SRCAP: variants seen among roughly 807,000 people sequenced by gnomAD.
SRCAP encodes the protein chromatin remodeling protein SRCAP.
In SRCAP, 46 loss-of-function variants were observed where a neutral mutation model predicts 263.1. The observed-to-expected ratio is 0.17, with a 90% CI of 0.14 to 0.22. SRCAP has a LOEUF of 0.22. Among genes scored for constraint, SRCAP ranks in the 10% least tolerant of loss-of-function variants. The probability of loss-of-function intolerance (pLI) is 1.00; values close to 1 mark genes in which losing one functional copy is unlikely to be tolerated. For missense variants in SRCAP, 3,695 were observed against 4,181.9 expected (o/e 0.88, Z 3.21); for synonymous variants, 1,813 against 1,662.1 (o/e 1.09, Z -2.21).
intron 16 of SRCAP, among the ~76,000 whole-genome samples, chr16:30,715,646 G>A (rs1348039): frequency 0.98 from 149,332 of 152,288 alleles, 73,273 homozygotes; most frequent in Middle Eastern, 1. Context: ...TACTTCTTCC[G>A]TGTCACTGTA....
intron 16 of SRCAP, among the ~76,000 whole-genome samples, chr16:30,714,655 G>C (rs6565198): frequency 0.96 from 145,394 of 152,070 alleles, 69,808 homozygotes; most frequent in Middle Eastern, 1. Context: ...TCTGCACTAC[G>C]ATGCCTAGCT....
rs1340263974 is a variant in SRCAP at position 30,720,780 on chromosome 16, C to G, written c.3055C>G (p.Leu1019Val). 2 of 1,614,126 alleles carry G rather than the reference C, an allele frequency of 1.2e-6. No homozygotes were observed. Among genetic ancestry groups the G allele is most frequent in the Non-Finnish European group, 1.7e-6 (2 of 1,180,032 alleles). ...GGTGGTGAACAACCCACGGGCGCCC[C>G]TGGGCCCTGTCCCAGTTCGACCTCC... ...VVVVNNPRAP[L>V]GPVPVRPPPG... The change falls in exon 20 of 34, where the codon CTG becomes GTG. Residue 1019 changes from leucine to valine, a missense_variant. By Grantham distance (32) the Leu-to-Val change is conservative (BLOSUM62 1). Around this residue, in one of 12 missense-constraint regions of SRCAP, gnomAD observed 1,347 missense variants for 1,304.4 expected, o/e 1.03. Coordinates refer to ENST00000262518, the MANE Select transcript of SRCAP (RefSeq NM_006662.3).
chr16:30,736,759 G>A (rs1166167717), intron 33 of SRCAP, 135 bp downstream of exon 33: 6 of 959,118 alleles, frequency 6.3e-6, no homozygotes, highest in South Asian at 3.2e-5. Flanking sequence ...TGCAGTCTCC[G>A]CCTCCCGGGT....
In SRCAP at chr16:30,704,323, T is replaced by C. The variant is rs2052802535; in HGVS notation, c.306+8T>C. 1.9e-6 allele frequency: 3 copies of C among 1,581,158 alleles called. No individual in the cohort carries two copies. Among genetic ancestry groups the C allele is most frequent in the African/African-American group, 1.3e-5 (1 of 74,158 alleles). Reference sequence around the variant, plus strand: ...GCAGAACAGGCCAAGCATGTACGTATTAGAAAGGCTTATGAAGATTCTTGG... The same window carrying C: ...GCAGAACAGGCCAAGCATGTACGTACTAGAAAGGCTTATGAAGATTCTTGG... On this transcript the variant is annotated splice_region_variant and intron_variant, in intron 4 of 33. Coordinates refer to ENST00000262518, the MANE Select transcript of SRCAP (RefSeq NM_006662.3).
In SRCAP at chr16:30,712,154, C is replaced by T. The variant is rs768828882; in HGVS notation, c.1812C>T (p.Thr604=). The change falls in exon 12 of 34, where the codon ACC becomes ACT. Residue 604 remains threonine, a synonymous_variant. Coordinates refer to ENST00000262518, the MANE Select transcript of SRCAP (RefSeq NM_006662.3). ...CCAAGGGTTACACGCTGGCCACGAC[C>T]CAGGTATCCCCAGGTTCTGGCCTCT... ...LQPKGYTLAT[T]QVKTPIPLLL... 6 of 1,611,868 alleles carry T rather than the reference C, an allele frequency of 3.7e-6. No individual in the cohort carries two copies. In the Admixed American group the frequency reaches 8.3e-5, roughly 22 times the overall value.
intron 10 of SRCAP, 51 bp from the exon 11 acceptor site, chr16:30,711,520 C>T (rs754250636): frequency 2.7e-5 from 42 of 1,530,358 alleles, no homozygotes; most frequent in Non-Finnish European, 3.3e-5. Flanking sequence ...ACTCAGACCT[C>T]CCCTTCTCCC....
rs555441029 is a variant in SRCAP at position 30,711,663 on chromosome 16, G to T, written c.1411G>T (p.Asp471Tyr). 1 of 1,614,166 alleles carries T rather than the reference G, an allele frequency of 6.2e-7. No individual in the cohort carries two copies. The highest frequency in any genetic ancestry group is 1.1e-5 in the South Asian group (1 of 91,084). ...TGAAGATGAGGATGAAGATGAGGTT[G>T]ATGCTAATAGCTCTGACTGTGAACC... ...SSEDEDEDEV[D>Y]ANSSDCEPEG... is the part of the protein sequence containing the mutation. Residue 471 changes from aspartate (D) to tyrosine (Y), a missense_variant, in exon 11 of 34, where the codon GAT becomes TAT. Around this residue, in one of 12 missense-constraint regions of SRCAP, gnomAD observed 288 missense variants for 302.4 expected, o/e 0.95. Transcript: ENST00000262518.
At chr16:30,735,825 C>T (rs903443875) in intron 31 of SRCAP, among the ~76,000 whole-genome samples, 15 of 151,844 alleles carry the variant, frequency 9.9e-5, no homozygotes, top group Non-Finnish European at 1.9e-4. Context: ...ATGATCTGCC[C>T]GCCTTGGCCT....
chr16:30,703,507 A>ATT (rs1337510073), intron 3 of SRCAP, among the ~76,000 whole-genome samples: 5 of 151,192 alleles, frequency 3.3e-5, no homozygotes, highest in African/African-American at 9.7e-5. Flanking sequence ...ATATATATAT[A>ATT]TTTTTAAGTT....
Position 30,704,292 on chromosome 16 carries a change from G to A in SRCAP, c.283G>A (p.Glu95Lys), listed in dbSNP as rs779862738. 6 of 1,611,818 alleles carry A rather than the reference G, an allele frequency of 3.7e-6. No homozygotes were observed. The highest frequency in any genetic ancestry group is 2.2e-5 in the East Asian group (1 of 44,844). The change falls in exon 4 of 34, where the codon GAA becomes AAA. Residue 95 changes from glutamate to lysine, a missense_variant. Coordinates refer to ENST00000262518, the MANE Select transcript of SRCAP (RefSeq NM_006662.3). ...KGPKWEKSHA[E>K]IAEQAKHEAE... ...CCCGAAGTGGGAGAAGAGCCATGCC[G>A]AAATTGCAGAACAGGCCAAGCATGT...
chr16:30,724,028 C>G lies in SRCAP; in HGVS notation c.4604C>G (p.Pro1535Arg), dbSNP rs564354120. 6.2e-7 allele frequency: 1 copy of G among 1,613,988 alleles called. No homozygotes were observed. The highest frequency in any genetic ancestry group is 1.1e-5 in the South Asian group (1 of 91,076). The stretch of plus-strand genomic sequence containing the variant: ...TTGGCTCCCACCTCTTCACATGTTC[C>G]AGGGTTGAACTCAACCGTGGCCCCA... Reference protein sequence around the residue: ...LLLAPTSSHVPGLNSTVAPAC... With the variant: ...LLLAPTSSHVRGLNSTVAPAC... The change falls in exon 25 of 34, where the codon CCA (proline) becomes CGA (arginine). Residue 1535 changes from proline to arginine, a missense_variant. Physicochemically the swap from Pro to Arg is moderately radical, Grantham distance 103. Coordinates refer to ENST00000262518, the MANE Select transcript of SRCAP (RefSeq NM_006662.3).
At chr16:30,735,567 CTTTTTTTT>C (rs10663863) in intron 31 of SRCAP, among the ~76,000 whole-genome samples, 1 of 69,588 alleles carries the variant, frequency 1.4e-5, no homozygotes, top group Admixed American at 2.3e-4. Context: ...TTTGACATTA[CTTTTTTTT>C]TTTTTTTTTT....
In SRCAP at chr16:30,724,753, G is replaced by C. The variant is rs560404831; in HGVS notation, c.5329G>C (p.Ala1777Pro). ...GACTTTGGCTCCAGCATCGTCATCT[G>C]CTTCACTCCTGGCCCCAGCTTCAGT... The part of the protein sequence containing the change: ...TLTLAPASSS[A>P]SLLAPASVQT... Residue 1777 changes from alanine (A) to proline (P), a missense_variant, in exon 25 of 34, where the codon GCT becomes CCT. Around this residue, in one of 12 missense-constraint regions of SRCAP, gnomAD observed 1,347 missense variants for 1,304.4 expected, o/e 1.03. Coordinates refer to ENST00000262518, the MANE Select transcript of SRCAP (RefSeq NM_006662.3). 1.5e-5 allele frequency: 24 copies of C among 1,613,910 alleles called. No individual in the cohort carries two copies. The highest frequency in any genetic ancestry group is 1.9e-5 in the Non-Finnish European group (22 of 1,179,938).
chr16:30,740,786 C>T lies in SRCAP; in HGVS notation c.*1053C>T, dbSNP rs996864129. ...TGTCCTCCTGTTGACTCTGTGCTTA[C>T]CTCATCTGAGTTATTTCTTTGTATC... On this transcript the variant is annotated 3_prime_UTR_variant, in exon 34 of 34. Coordinates refer to ENST00000262518, the MANE Select transcript of SRCAP (RefSeq NM_006662.3). 6.6e-6 allele frequency: 1 copy of T among 152,386 alleles called. No homozygotes were observed. The highest frequency in any genetic ancestry group is 1.5e-5 in the Non-Finnish European group (1 of 68,168). The allele number at this position is 152,386 out of a possible 1,614,324, so 9.4% of individuals were successfully genotyped here.
Position 30,700,792 on chromosome 16 carries a change from C to G in SRCAP, c.-33C>G, listed in dbSNP as rs757931634. ...TGGTGATAACAACCCAGTCATTCTT[C>G]AGGCATCCAAGGGGGAGCCTGGGAG... On this transcript the variant is annotated 5_prime_UTR_variant, in exon 3 of 34. Transcript: ENST00000262518. 1 of 1,608,476 alleles carries G rather than the reference C, an allele frequency of 6.2e-7. No homozygotes were observed. The highest frequency in any genetic ancestry group is 8.5e-7 in the Non-Finnish European group (1 of 1,175,480).
chr16:30,708,125 CT>C (rs2052847873), intron 6 of SRCAP, among the ~76,000 whole-genome samples: 2 of 152,330 alleles, frequency 1.3e-5, no homozygotes, highest in South Asian at 4.2e-4. Flanking sequence ...ACCCACCTTT[CT>C]TTTGTATATC....
At position 30,704,251 on chromosome 16, in the gene SRCAP, A is replaced by T. The variant is rs1244101190; in HGVS notation, c.242A>T (p.Asp81Val). Residue 81 changes from aspartate (D) to valine (V), a missense_variant, in exon 4 of 34, where the codon GAC becomes GTC. By Grantham distance (152) the Asp-to-Val change is radical (BLOSUM62 -3). This residue lies in a region of SRCAP where 122 missense variants were observed against 116.9 expected (regional missense o/e 1.04). Coordinates refer to ENST00000262518, the MANE Select transcript of SRCAP (RefSeq NM_006662.3). ...LEGFSLSQAA[D>V]LANKGPKWEK... ...GGGTTCAGCTTATCCCAGGCTGCTG[A>T]CCTGGCTAACAAGGGCCCGAAGTGG... 7 of 1,614,156 alleles carry T rather than the reference A, an allele frequency of 4.3e-6. No homozygotes were observed. The East Asian group carries it at 1.6e-4, about 36-fold the overall frequency.
chr16:30,710,373 TGAAAA>T (rs2052874647), intron 8 of SRCAP, among the ~76,000 whole-genome samples: 1 of 152,138 alleles, frequency 6.6e-6, no homozygotes, highest in Admixed American at 6.5e-5. Flanking sequence ...TGTGTGGTCT[TGAAAA>T]AGTACTTCCT....
At position 30,737,346 on chromosome 16, in the gene SRCAP, G is replaced by T. The variant is rs755340716; in HGVS notation, c.7306G>T (p.Val2436Phe). ...CCGCTGCAGTCCTGCCAGGGAGCGA[G>T]TTCCCAGGCCAGCACCTAGGCCTCG... ...PPRCSPARER[V>F]PRPAPRPRPT... Residue 2436 changes from valine to phenylalanine, a missense_variant, in exon 34 of 34, where the codon GTT becomes TTT. This residue lies in a region of SRCAP where 1,207 missense variants were observed against 1,142.9 expected (regional missense o/e 1.06). Coordinates refer to ENST00000262518, the MANE Select transcript of SRCAP (RefSeq NM_006662.3). 10 of 1,613,964 alleles carry T rather than the reference G, an allele frequency of 6.2e-6. No homozygotes were observed. In the African/African-American group the frequency reaches 1.2e-4, roughly 19 times the overall value.
Sources: gnomAD v4.1 joint callset for allele counts (sites outside exome capture counted in the v4.1 genomes callset) on GRCh38, gnomAD v4.1.1 for gene constraint, gnomAD v4.1.1 regional missense constraint, MANE v1.5 for transcripts, NCBI Gene and HGNC (gene_info 2026-07-23, HGNC 2026-07-21) for gene names.